Variants in SFMBT2 observed in about 807,000 individuals in gnomAD.
SFMBT2 encodes the protein scm-like with four MBT domains protein 2.
Under a neutral mutation model 110.1 loss-of-function variants are expected in SFMBT2, and 38 were observed. The observed-to-expected ratio is 0.35, with a 90% confidence interval of 0.27 to 0.45. The LOEUF (loss-of-function observed/expected upper bound fraction) is 0.45. Among genes scored for constraint, SFMBT2 ranks in the 20% least tolerant of loss-of-function variants. The pLI, the probability that SFMBT2 is intolerant of heterozygous loss-of-function variation, is 1.00. For missense variants in SFMBT2, 1,011 were observed against 1,094.9 expected (o/e 0.92, Z 1.08); for synonymous variants, 425 against 425.4 (o/e 1.00, Z 0.01).
chr10:7,406,560 G>GA (rs1194407735), intron 1 of SFMBT2, among the ~76,000 whole-genome samples: 1 of 151,720 alleles, frequency 6.6e-6, no homozygotes, highest in East Asian at 1.9e-4. Context: ...TGATGAAAAC[G>GA]AAACAGGGAA....
chr10:7,177,944 G>A (rs1452152394), intron 16 of SFMBT2, among the ~76,000 whole-genome samples: 1 of 152,168 alleles, frequency 6.6e-6, no homozygotes, highest in Non-Finnish European at 1.5e-5. Flanking sequence ...TGAGGGCAGA[G>A]GGAGAAGGTG....
intron 4 of SFMBT2, among the ~76,000 whole-genome samples, chr10:7,288,862 C>CT (rs367945506): frequency 0.03 from 4,549 of 151,400 alleles, 248 homozygotes; most frequent in African/African-American, 0.1. Flanking sequence ...AACCCCCCCC[C>CT]CCATCTCCAC....
chr10:7,368,651 T>C (rs1438801928), intron 3 of SFMBT2, among the ~76,000 whole-genome samples: 1 of 152,146 alleles, frequency 6.6e-6, no homozygotes, highest in South Asian at 2.1e-4. Flanking sequence ...TCAAAGAAAA[T>C]AGGAGTGACT....
At chr10:7,378,824 G>T (rs1845346133) in intron 2 of SFMBT2, among the ~76,000 whole-genome samples, 1 of 150,678 alleles carries the variant, frequency 6.6e-6, no homozygotes, top group Non-Finnish European at 1.5e-5. Flanking sequence ...GAGTGTGGGT[G>T]TGAGTGTATG....
At position 7,170,886 on chromosome 10, in the gene SFMBT2, G is replaced by T; in HGVS notation, c.2544+42C>A. On this transcript the variant is annotated intron_variant, in intron 20 of 20. Transcript: ENST00000397167. The surrounding 1 kb of genome is among the most constrained non-coding windows in gnomAD (Gnocchi z 4.6). Reference sequence around the variant, plus strand: ...ACACGAGGTTCATTTCAGATGCAGAGTCTCAGCACATCAAACAATCGACAC... The same window carrying T: ...ACACGAGGTTCATTTCAGATGCAGATTCTCAGCACATCAAACAATCGACAC... The T allele has an allele frequency of 6.2e-7, 1 of 1,613,060 alleles. No homozygotes were observed. The highest frequency in any genetic ancestry group is 8.5e-7 in the Non-Finnish European group (1 of 1,179,354).
chr10:7,317,033 T>C (rs999884463), intron 4 of SFMBT2, among the ~76,000 whole-genome samples: 1 of 152,174 alleles, frequency 6.6e-6, no homozygotes, highest in African/African-American at 2.4e-5. Context: ...AATGAGCACA[T>C]ACTTCCTTCT....
chr10:7,339,391 G>C (rs1393381530), intron 4 of SFMBT2, among the ~76,000 whole-genome samples: 1 of 151,914 alleles, frequency 6.6e-6, no homozygotes, highest in Non-Finnish European at 1.5e-5. Flanking sequence ...TTCTCTTTAG[G>C]GCAAAAATAA....
At chr10:7,360,805 T>C (rs1355548141) in intron 4 of SFMBT2, among the ~76,000 whole-genome samples, 2 of 152,186 alleles carry the variant, frequency 1.3e-5, no homozygotes, top group African/African-American at 4.8e-5. Context: ...CTTGATCAGA[T>C]AGAATTCAAA....
At chr10:7,259,660 G>GT (rs1404349002) in intron 7 of SFMBT2, among the ~76,000 whole-genome samples, 1 of 152,256 alleles carries the variant, frequency 6.6e-6, no homozygotes, top group African/African-American at 2.4e-5. Context: ...GAGAAGTCAG[G>GT]TATCGCTGAT....
At chr10:7,256,995 G>T (rs959615452) in intron 7 of SFMBT2, among the ~76,000 whole-genome samples, 1 of 151,648 alleles carries the variant, frequency 6.6e-6, no homozygotes, top group Non-Finnish European at 1.5e-5. Flanking sequence ...CGGAGGCTGA[G>T]GCAGGGGAAT....
At chr10:7,343,545 G>A (rs1002064770) in intron 4 of SFMBT2, among the ~76,000 whole-genome samples, 3 of 151,992 alleles carry the variant, frequency 2.0e-5, no homozygotes, top group African/African-American at 7.3e-5. Context: ...AACCTCGCCA[G>A]CATCTGTTAT....
At chr10:7,276,363 C>T (rs943594418) in intron 7 of SFMBT2, among the ~76,000 whole-genome samples, 2 of 152,092 alleles carry the variant, frequency 1.3e-5, no homozygotes, top group African/African-American at 4.8e-5. Context: ...CAATATGCTA[C>T]AAAGAAAGTC....
At chr10:7,298,113 T>C (rs578173303) in intron 4 of SFMBT2, among the ~76,000 whole-genome samples, 161 of 152,360 alleles carry the variant, frequency 1.1e-3, no homozygotes, top group African/African-American at 3.7e-3. Context: ...CAATGAGTGC[T>C]AGATTTTTGG....
chr10:7,274,264 A>G (rs1841696585), intron 7 of SFMBT2, among the ~76,000 whole-genome samples: 1 of 152,174 alleles, frequency 6.6e-6, no homozygotes. Context: ...AGGCAGGAGG[A>G]TCACTTGAGC....
At chr10:7,238,939 T>C (rs574412664) in intron 9 of SFMBT2, among the ~76,000 whole-genome samples, 4 of 152,308 alleles carry the variant, frequency 2.6e-5, no homozygotes, top group African/African-American at 9.6e-5. Flanking sequence ...GTTTATTGGG[T>C]TTAAACTAAT....
intron 10 of SFMBT2, among the ~76,000 whole-genome samples, chr10:7,227,314 T>C (rs2131670091): frequency 6.6e-6 from 1 of 152,334 alleles, no homozygotes; most frequent in South Asian, 2.1e-4. Context: ...GGGGAACAGA[T>C]GGCCAGCCGT....
chr10:7,343,756 A>G (rs1190964835), intron 4 of SFMBT2, among the ~76,000 whole-genome samples: 1 of 152,230 alleles, frequency 6.6e-6, no homozygotes, highest in Admixed American at 6.5e-5. Context: ...AGAAAACCAT[A>G]CTGATGTTGG....
chr10:7,218,438 A>G (rs933123853), intron 11 of SFMBT2, among the ~76,000 whole-genome samples: 1 of 152,246 alleles, frequency 6.6e-6, no homozygotes, highest in Non-Finnish European at 1.5e-5. Context: ...TATCTTTTGT[A>G]AGTAATGAAA....
At chr10:7,376,697 T>TAAA (rs1293376043) in intron 2 of SFMBT2, among the ~76,000 whole-genome samples, 1 of 2,086 alleles carries the variant, frequency 4.8e-4, no homozygotes, top group East Asian at 0.045. Flanking sequence ...AGACTCTGTC[T>TAAA]CAAAAAAAAA....
Sources: allele counts gnomAD v4.1 joint callset (sites outside exome capture counted in the v4.1 genomes callset), GRCh38; gene constraint gnomAD v4.1.1; non-coding constraint Gnocchi (gnomAD v3.1); transcripts MANE v1.5; gene names NCBI Gene and HGNC (gene_info 2026-07-23, HGNC 2026-07-21).